PLCG2: variants seen among roughly 807,000 people sequenced by gnomAD.
PLCG2 encodes the protein phospholipase C gamma 2.
Under a neutral mutation model 175.6 loss-of-function variants are expected in PLCG2, and 69 were observed. The ratio of observed to expected loss-of-function variants is 0.39; its 90% confidence interval spans 0.32 to 0.48. The LOEUF is 0.48. PLCG2 is among the 20% of genes least tolerant of loss of function. The pLI is 0.91. For synonymous variants in PLCG2, 827 were observed against 624.0 expected, an observed-to-expected ratio of 1.33 and a Z score of -4.85; for missense variants, 1,798 against 1,650.9, an observed-to-expected ratio of 1.09 and a Z score of -1.54.
chr16:81,881,344 T>G (rs1597370686), intron 8 of PLCG2, among the ~76,000 whole-genome samples: 1 of 152,226 alleles, frequency 6.6e-6, no homozygotes, highest in African/African-American at 2.4e-5. Context: ...TTCAGGTGTA[T>G]AAACTGCTTC....
At position 81,960,952 on chromosome 16, in the gene PLCG2, A is replaced by T; in HGVS notation, c.*2954A>T. 1 of 229,418 alleles carries T rather than the reference A, an allele frequency of 4.4e-6. No individual in the cohort carries two copies. The highest frequency in any genetic ancestry group is 1.8e-4 in the South Asian group (1 of 5,512). The allele number at this position is 229,418 out of a possible 1,614,324, so 14.2% of individuals were successfully genotyped here. A position where few individuals can be genotyped will look rare whatever the true frequency, so the allele number is the denominator to read the frequency against. On this transcript the variant is annotated 3_prime_UTR_variant, in exon 33 of 33. Transcript: ENST00000564138. Reference sequence around the variant, plus strand: ...GCCCTTTTCTCACCTTACAAAAGAAAATATGGCTGTCTCCACCTCTAGTCT... The same window carrying T: ...GCCCTTTTCTCACCTTACAAAAGAATATATGGCTGTCTCCACCTCTAGTCT...
intron 1 of PLCG2, among the ~76,000 whole-genome samples, chr16:81,743,458 C>T (rs190708501): frequency 5.3e-5 from 8 of 152,344 alleles, no homozygotes; most frequent in Admixed American, 6.5e-5. Flanking sequence ...CCAGGTAGAG[C>T]GACCTGCGTG....
rs767364820 is a variant in PLCG2 at position 81,910,698 on chromosome 16, C to A, written c.1912C>A (p.Pro638Thr). ...GCGGCTCACGGACCCTGTGCCCAAC[C>A]CCAACCCCCACGAGTCCAAGCCGTA... ...ELRLTDPVPN[P>T]NPHESKPWYY... Residue 638 changes from proline (P) to threonine (T), a missense_variant, in exon 18 of 33, where the codon CCC becomes ACC. Physicochemically the swap from Pro to Thr is conservative, Grantham distance 38. Coordinates refer to ENST00000564138, the MANE Select transcript of PLCG2 (RefSeq NM_002661.5). The A allele has an allele frequency of 1.1e-5, 17 of 1,610,758 alleles. No homozygotes were observed. The highest frequency in any genetic ancestry group is 1.3e-5 in the Non-Finnish European group (15 of 1,179,984).
chr16:81,765,793 T>C (rs924627078), intron 2 of PLCG2, among the ~76,000 whole-genome samples: 5 of 152,182 alleles, frequency 3.3e-5, no homozygotes, highest in African/African-American at 1.2e-4. Flanking sequence ...TCTGGATGGC[T>C]GGTTGACAGC....
At chr16:81,867,464 A>G (rs1394012273) in intron 5 of PLCG2, among the ~76,000 whole-genome samples, 2 of 152,194 alleles carry the variant, frequency 1.3e-5, no homozygotes, top group African/African-American at 4.8e-5. Context: ...GCTAGCACAG[A>G]TAAGGTACCA....
chr16:81,757,558 T>C (rs886616512), intron 2 of PLCG2, among the ~76,000 whole-genome samples: 6 of 152,056 alleles, frequency 3.9e-5, no homozygotes, highest in Admixed American at 2.0e-4. Context: ...AGTGAGACTC[T>C]GTCTCAAAAA....
intron 2 of PLCG2, among the ~76,000 whole-genome samples, chr16:81,798,272 T>C (rs1434606911): frequency 6.6e-6 from 1 of 152,198 alleles, no homozygotes; most frequent in Non-Finnish European, 1.5e-5. Flanking sequence ...TGCTGCCATA[T>C]GTCTCCTCAG....
intron 2 of PLCG2, among the ~76,000 whole-genome samples, chr16:81,814,896 C>G (rs1266588444): frequency 6.6e-6 from 1 of 152,072 alleles, no homozygotes; most frequent in African/African-American, 2.4e-5. Context: ...ATTAAATGAG[C>G]CAATACACAT....
At chr16:81,900,814 G>T in intron 14 of PLCG2, 34 bp downstream of exon 14, 1 of 1,578,612 alleles carries the variant, frequency 6.3e-7, no homozygotes, top group Non-Finnish European at 8.7e-7. Context: ...TGGCTGTCCA[G>T]GGAGCCCAGT....
chr16:81,785,661 AG>A, intron 1 of PLCG2: 1 of 229,402 alleles, frequency 4.4e-6, no homozygotes, highest in Non-Finnish European at 8.6e-6. Context: ...GGGTGGGGAG[AG>A]AGGGGACTCA....
chr16:81,803,402 CT>C (rs750737677), intron 2 of PLCG2, among the ~76,000 whole-genome samples: 15 of 152,018 alleles, frequency 9.9e-5, no homozygotes, highest in Non-Finnish European at 1.5e-4. Context: ...CACTTCATTC[CT>C]TTTTAAGACT....
intron 30 of PLCG2, among the ~76,000 whole-genome samples, chr16:81,942,322 A>T (rs1456609310): frequency 6.6e-6 from 1 of 152,234 alleles, no homozygotes; most frequent in African/African-American, 2.4e-5. Context: ...TAGCTTGGAG[A>T]TTTGGAAAAA....
intron 2 of PLCG2, among the ~76,000 whole-genome samples, chr16:81,795,124 G>T (rs1310375902): frequency 6.6e-6 from 1 of 152,214 alleles, no homozygotes; most frequent in Non-Finnish European, 1.5e-5. Context: ...TGGGGATAAA[G>T]TAGTGAACAG....
chr16:81,925,853 T>A (rs62044886), intron 22 of PLCG2, among the ~76,000 whole-genome samples: 4,731 of 147,848 alleles, frequency 0.032, 101 homozygotes, highest in Non-Finnish European at 0.047. Flanking sequence ...TGCCATGCAC[T>A]CCAGCCTGGG....
At chr16:81,748,618 T>C (rs1036742788) in intron 1 of PLCG2, among the ~76,000 whole-genome samples, 1 of 152,080 alleles carries the variant, frequency 6.6e-6, no homozygotes, top group Non-Finnish European at 1.5e-5. Context: ...TGGCATGCCA[T>C]GTGCCTGTAT....
chr16:81,844,997 C>G (rs773640223), intron 2 of PLCG2, among the ~76,000 whole-genome samples: 3 of 152,226 alleles, frequency 2.0e-5, no homozygotes, highest in Non-Finnish European at 2.9e-5. Flanking sequence ...GTTGTGATTA[C>G]AGCTCATTGC....
chr16:81,890,085 T>G (rs575318448), intron 10 of PLCG2, among the ~76,000 whole-genome samples: 2 of 152,144 alleles, frequency 1.3e-5, no homozygotes, highest in East Asian at 3.9e-4. Context: ...CAGTGGGCGG[T>G]CCAGGTAGAG....
intron 5 of PLCG2, among the ~76,000 whole-genome samples, chr16:81,867,851 C>A (rs1475413322): frequency 6.6e-6 from 1 of 152,136 alleles, no homozygotes; most frequent in Admixed American, 6.5e-5. Flanking sequence ...GCGCCTGCTA[C>A]CATGCCTGGC....
rs1910507967 is a variant in PLCG2 at position 81,931,653 on chromosome 16, A to C, written c.2738A>C (p.Lys913Thr). Residue 913 changes from lysine to threonine, a missense_variant and splice_region_variant, in exon 25 of 33, where the codon AAG becomes ACG. Transcript: ENST00000564138. Reference sequence around the variant, plus strand: ...GAGATCACCTGGAAGATTGACACCAAGGTAGGCACCTGCTCACCCGGGTGC... The same window carrying C: ...GAGATCACCTGGAAGATTGACACCACGGTAGGCACCTGCTCACCCGGGTGC... The part of the protein sequence containing the change: ...IREITWKIDT[K>T]ENNMKYWEKN... The C allele has an allele frequency of 6.2e-7, 1 of 1,613,482 alleles. No homozygotes were observed. The highest frequency in any genetic ancestry group is 8.5e-7 in the Non-Finnish European group (1 of 1,179,574).
Sources: allele counts gnomAD v4.1 joint callset (sites outside exome capture counted in the v4.1 genomes callset), GRCh38; gene constraint gnomAD v4.1.1; transcripts MANE v1.5; gene names NCBI Gene and HGNC (gene_info 2026-07-23, HGNC 2026-07-21).